IL13RA1: variants seen among roughly 807,000 people sequenced by gnomAD.
The protein encoded by IL13RA1 is interleukin 13 receptor subunit alpha 1, also known as interleukin-13 receptor subunit alpha-1.
IL13RA1 carries 14 observed loss-of-function variants against 33.8 expected under a neutral mutation model. The observed-to-expected ratio is 0.41, with a 90% CI of 0.27 to 0.65. The LOEUF is 0.65. Among genes scored for constraint, IL13RA1 ranks in the 30% least tolerant of loss-of-function variants. IL13RA1 has a pLI of 0.28. For synonymous variants in IL13RA1, 116 were observed against 115.7 expected (o/e 1.00, Z -0.02); for missense variants, 313 against 327.0 (o/e 0.96, Z 0.33).
chrX:118,736,824 G>T (rs1012633191), intron 1 of IL13RA1, among the ~76,000 whole-genome samples: 1 of 112,491 alleles, frequency 8.9e-6, no homozygotes, highest in African/African-American at 3.2e-5. Flanking sequence ...GGATCTCGCA[G>T]TGTTGCCAGG....
At chrX:118,785,697 A>G (rs2147402275) in intron 10 of IL13RA1, among the ~76,000 whole-genome samples, 1 of 110,212 alleles carries the variant, frequency 9.1e-6, no homozygotes, top group South Asian at 3.9e-4. Context: ...CAGCCTCCCA[A>G]GTAGCTGGGA....
intron 10 of IL13RA1, among the ~76,000 whole-genome samples, chrX:118,784,129 G>GTA (rs72041786): frequency 0.19 from 11,536 of 61,441 alleles, 1,476 homozygotes; most frequent in Middle Eastern, 0.22. Context: ...GTATATATAT[G>GTA]TATATATATA....
At chrX:118,752,021 G>A (rs2017475723) in intron 4 of IL13RA1, among the ~76,000 whole-genome samples, 1 of 110,052 alleles carries the variant, frequency 9.1e-6, no homozygotes, top group Admixed American at 9.8e-5. Flanking sequence ...GGGAAATCCT[G>A]CAGGTGGAGC....
chrX:118,790,631 C>G (rs763556135), intron 10 of IL13RA1, among the ~76,000 whole-genome samples: 13 of 111,330 alleles, frequency 1.2e-4, no homozygotes, highest in Non-Finnish European at 2.4e-4. Flanking sequence ...TCTCTGCGTT[C>G]TTATGAGCGC....
At chrX:118,777,372 GGAGAGCT>G (rs2017797972) in intron 10 of IL13RA1, among the ~76,000 whole-genome samples, 1 of 111,559 alleles carries the variant, frequency 9.0e-6, no homozygotes, top group Non-Finnish European at 1.9e-5. Flanking sequence ...AAAATTTGAA[GGAGAGCT>G]GATTTAAAAT....
intron 10 of IL13RA1, among the ~76,000 whole-genome samples, chrX:118,777,104 T>C (rs957375226): frequency 9.2e-6 from 1 of 109,268 alleles, no homozygotes; most frequent in Non-Finnish European, 1.9e-5. Context: ...TTTTTCATCA[T>C]CCCAAATAGA....
intron 6 of IL13RA1, among the ~76,000 whole-genome samples, chrX:118,765,474 A>G (rs1339475438): frequency 1.8e-5 from 2 of 110,973 alleles, no homozygotes; most frequent in African/African-American, 6.6e-5. Context: ...GAGATTCACC[A>G]ATGTTGTTTC....
At chrX:118,760,109 C>A (rs2017575218) in intron 5 of IL13RA1, among the ~76,000 whole-genome samples, 1 of 111,972 alleles carries the variant, frequency 8.9e-6, no homozygotes, top group Non-Finnish European at 1.9e-5. Flanking sequence ...GTGTACAGTT[C>A]GGTAGTGTTA....
the IL13RA1 span, among the ~76,000 whole-genome samples, chrX:118,804,436 A>T: frequency 1.1e-5 from 1 of 89,983 alleles, no homozygotes; most frequent in Non-Finnish European, 2.2e-5. Flanking sequence ...CACACACACA[A>T]ATGCCAACTT....
chrX:118,731,541 C>A (rs1344736994), intron 1 of IL13RA1, among the ~76,000 whole-genome samples: 1 of 102,774 alleles, frequency 9.7e-6, no homozygotes, highest in African/African-American at 3.6e-5. Flanking sequence ...CACACCAGCG[C>A]ACTCCAGCCT....
intron 2 of IL13RA1, among the ~76,000 whole-genome samples, chrX:118,743,845 C>T (rs747222323): frequency 3.6e-5 from 4 of 111,937 alleles, no homozygotes; most frequent in Non-Finnish European, 5.6e-5. Flanking sequence ...ACACATACCT[C>T]ATCAAGATCT....
At chrX:118,740,795 C>A (rs1488848225) in intron 1 of IL13RA1, among the ~76,000 whole-genome samples, 1 of 111,784 alleles carries the variant, frequency 8.9e-6, no homozygotes, top group African/African-American at 3.3e-5. Flanking sequence ...AAAACAACAA[C>A]AACAAAAACA....
chrX:118,742,695 A>G (rs1289800963), intron 2 of IL13RA1, among the ~76,000 whole-genome samples: 1 of 111,374 alleles, frequency 9.0e-6, no homozygotes, highest in Non-Finnish European at 1.9e-5. Flanking sequence ...TTTTGGGCAA[A>G]TCACTTAACC....
chrX:118,800,091 A>G, the IL13RA1 span, among the ~76,000 whole-genome samples: 3 of 111,260 alleles, frequency 2.7e-5, no homozygotes, highest in African/African-American at 9.8e-5. Flanking sequence ...CTGTGTATCC[A>G]AAGTCTGTAT....
At chrX:118,768,545 C>G (rs1184027720) in intron 8 of IL13RA1, among the ~76,000 whole-genome samples, 1 of 112,176 alleles carries the variant, frequency 8.9e-6, no homozygotes, top group Non-Finnish European at 1.9e-5. Flanking sequence ...TTCGTAGGTT[C>G]CAACCCCGGT....
chrX:118,761,251 G>T lies in IL13RA1; in HGVS notation c.790G>T (p.Val264Phe). 1 of 1,040,404 alleles carries T rather than the reference G, an allele frequency of 9.6e-7. No individual in the cohort carries two copies. The highest frequency in any genetic ancestry group is 1.3e-6 in the Non-Finnish European group (1 of 751,013). The allele number at this position is 1,040,404 out of a possible 1,213,427, so 85.7% of individuals were successfully genotyped here. Residue 264 changes from valine (V) to phenylalanine (F), a missense_variant, in exon 6 of 11, where the codon GTC (valine) becomes TTC (phenylalanine). Transcript: ENST00000371666. The part of the protein sequence containing the change: ...ISRCLFYEVE[V>F]NNSQTETHNV... ...CAGATGCCTATTTTATGAAGTAGAA[G>T]TCAATAACAGCCAAACTGAGACACA...
At chrX:118,758,031 A>C (rs1280566045) in intron 4 of IL13RA1, 24 bp from the exon 5 acceptor site, 18 of 1,046,267 alleles carry the variant, frequency 1.7e-5, no homozygotes, top group Non-Finnish European at 2.4e-5. Context: ...ATAATGCAGA[A>C]GATTGTCTCA....
chrX:118,738,852 A>G (rs935257812), intron 1 of IL13RA1, among the ~76,000 whole-genome samples: 15 of 98,269 alleles, frequency 1.5e-4, no homozygotes, highest in African/African-American at 5.4e-4. Context: ...CAGTGGTGCA[A>G]TCTTGGCTCA....
At chrX:118,754,891 CAG>C (rs1460340085) in intron 4 of IL13RA1, among the ~76,000 whole-genome samples, 1 of 109,050 alleles carries the variant, frequency 9.2e-6, no homozygotes, top group Admixed American at 9.8e-5. Context: ...AACAAACTGC[CAG>C]AGACTGTTTT....
Sources: allele counts gnomAD v4.1 joint callset (sites outside exome capture counted in the v4.1 genomes callset), GRCh38; gene constraint gnomAD v4.1.1; transcripts MANE v1.5; gene names NCBI Gene and HGNC (gene_info 2026-07-23, HGNC 2026-07-21).